The following CLMP variants were observed in gnomAD, a reference collection of about 807,000 sequenced individuals.
The protein encoded by CLMP is CXADR like cell adhesion molecule, also known as CXADR-like membrane protein.
CLMP carries 27 observed loss-of-function variants against 45.2 expected under a neutral mutation model. The ratio of observed to expected loss-of-function variants is 0.60; its 90% CI spans 0.44 to 0.82. The LOEUF is 0.82. Among genes scored for constraint, CLMP ranks in the 40% least tolerant of loss-of-function variants. CLMP has a pLI of 0.00. For missense variants in CLMP, 403 were observed against 448.4 expected, an observed-to-expected ratio of 0.90 and a Z score of 0.91; for synonymous variants, 167 against 171.4, an observed-to-expected ratio of 0.97 and a Z score of 0.20.
chr11:123,102,707 C>CTT (rs34392557), intron 1 of CLMP, among the ~76,000 whole-genome samples: 5,529 of 93,182 alleles, frequency 0.059, 359 homozygotes, highest in African/African-American at 0.1. Flanking sequence ...TCCCGAGTAG[C>CTT]TTTTTTTTTT....
At chr11:123,122,441 A>G (rs1394196630) in intron 1 of CLMP, among the ~76,000 whole-genome samples, 1 of 152,186 alleles carries the variant, frequency 6.6e-6, no homozygotes, top group Non-Finnish European at 1.5e-5. Flanking sequence ...TGACTGTGAT[A>G]TTGGCTCTCT....
intron 1 of CLMP, among the ~76,000 whole-genome samples, chr11:123,131,377 G>T (rs577291761): frequency 3.1e-4 from 47 of 152,004 alleles, no homozygotes; most frequent in African/African-American, 1.1e-3. Flanking sequence ...TTTTGACAAA[G>T]AAATATTTTG....
chr11:123,136,653 C>T (rs1359801272), intron 1 of CLMP, among the ~76,000 whole-genome samples: 1 of 147,826 alleles, frequency 6.8e-6, no homozygotes, highest in Non-Finnish European at 1.5e-5. Context: ...CTGTAATCTC[C>T]GCCTCCCAGG....
At chr11:123,156,090 G>A (rs2135529668) in intron 1 of CLMP, among the ~76,000 whole-genome samples, 1 of 152,214 alleles carries the variant, frequency 6.6e-6, no homozygotes, top group Non-Finnish European at 1.5e-5. Flanking sequence ...GGTTAAATGG[G>A]TGGGGCCCTG....
intron 3 of CLMP, 77 bp from the exon 4 acceptor site, chr11:123,083,924 C>G (rs1865834081): frequency 6.5e-7 from 1 of 1,526,960 alleles, no homozygotes; most frequent in African/African-American, 1.4e-5. Context: ...AAAATTATGT[C>G]CTATTGAGTT....
chr11:123,139,815 C>T (rs984705725), intron 1 of CLMP, among the ~76,000 whole-genome samples: 3 of 146,420 alleles, frequency 2.0e-5, no homozygotes, highest in African/African-American at 5.1e-5. Context: ...GACACCGTCT[C>T]GAAATAAAGT....
intron 1 of CLMP, among the ~76,000 whole-genome samples, chr11:123,112,767 C>T (rs910566752): frequency 1.4e-5 from 2 of 145,760 alleles, no homozygotes; most frequent in African/African-American, 5.2e-5. Context: ...TCTGTTAGTA[C>T]CCATTTTTTT....
At chr11:123,089,776 CAAAAAAA>C (rs556690828) in intron 2 of CLMP, among the ~76,000 whole-genome samples, 1 of 79,380 alleles carries the variant, frequency 1.3e-5, no homozygotes, top group East Asian at 5.1e-4. Flanking sequence ...GTCTCCATCT[CAAAAAAA>C]AAAAAAAAAA....
chr11:123,103,887 T>C (rs1363646687), intron 1 of CLMP, among the ~76,000 whole-genome samples: 1 of 150,596 alleles, frequency 6.6e-6, no homozygotes, highest in Non-Finnish European at 1.5e-5. Context: ...TAGAGTGCAG[T>C]CGCGCAATCT....
At chr11:123,146,665 G>A (rs536926266) in intron 1 of CLMP, among the ~76,000 whole-genome samples, 97 of 152,170 alleles carry the variant, frequency 6.4e-4, no homozygotes, top group African/African-American at 2.2e-3. Flanking sequence ...CCATGGGCGT[G>A]TGTTGTGAAC....
intron 1 of CLMP, among the ~76,000 whole-genome samples, chr11:123,122,554 G>T (rs1226999593): frequency 2.0e-5 from 3 of 152,144 alleles, no homozygotes; most frequent in Non-Finnish European, 2.9e-5. Context: ...CTACTGGAAA[G>T]CTTTTCTGTT....
At chr11:123,161,930 G>A (rs1240977964) in intron 1 of CLMP, among the ~76,000 whole-genome samples, 1 of 152,142 alleles carries the variant, frequency 6.6e-6, no homozygotes, top group African/African-American at 2.4e-5. Context: ...TGATTCAGTA[G>A]GCCTCATGTA....
In CLMP at chr11:123,092,268, C is replaced by A. The variant is rs986559269; in HGVS notation, c.186+5527G>T. 1.5e-4 allele frequency among the ~76,000 whole-genome samples: 22 copies of A among 148,106 alleles called. No homozygotes were observed. The South Asian group carries it at 3.6e-3, about 24-fold the overall frequency. Reference sequence around the variant, plus strand: ...CCTCGCTTTCCCTAAAATCTTGTCTCCACACACACACACACACACACAAAG... The same window carrying A: ...CCTCGCTTTCCCTAAAATCTTGTCTACACACACACACACACACACACAAAG... On this transcript the variant is annotated intron_variant, in intron 2 of 6. Transcript: ENST00000448775.
chr11:123,076,443 A>G (rs1242598539), intron 5 of CLMP, among the ~76,000 whole-genome samples: 1 of 152,216 alleles, frequency 6.6e-6, no homozygotes, highest in African/African-American at 2.4e-5. Context: ...AAATAAAGAT[A>G]ATTTCAGATA....
chr11:123,168,665 C>T (rs888231406), intron 1 of CLMP, among the ~76,000 whole-genome samples: 2 of 152,140 alleles, frequency 1.3e-5, no homozygotes, highest in African/African-American at 2.4e-5. Flanking sequence ...CCTCTGCAAT[C>T]GGATCCAGCA....
At chr11:123,090,246 C>T (rs951345047) in intron 2 of CLMP, among the ~76,000 whole-genome samples, 165 of 150,114 alleles carry the variant, frequency 1.1e-3, no homozygotes, top group African/African-American at 3.7e-3. Context: ...GAGATTGAGA[C>T]CAGCCTGGCC....
intron 6 of CLMP, among the ~76,000 whole-genome samples, chr11:123,073,982 A>G (rs1865705081): frequency 6.6e-6 from 1 of 152,078 alleles, no homozygotes; most frequent in African/African-American, 2.4e-5. Context: ...GGTCAACTCT[A>G]TTATACTGGG....
chr11:123,187,284 C>T (rs951450583), intron 1 of CLMP, among the ~76,000 whole-genome samples: 43 of 152,168 alleles, frequency 2.8e-4, no homozygotes, highest in African/African-American at 9.9e-4. Flanking sequence ...ACATGGAAGC[C>T]GTGTGCGCCT....
intron 1 of CLMP, among the ~76,000 whole-genome samples, chr11:123,129,370 A>AATATATCATATGATATATTTTAT (rs1565391307): frequency 1.5e-5 from 2 of 130,170 alleles, no homozygotes; most frequent in African/African-American, 5.9e-5. Context: ...TATATTATAT[A>AATATATCATATGATATATTTTAT]AAATATATAT....
Sources: allele counts gnomAD v4.1 joint callset (sites outside exome capture counted in the v4.1 genomes callset), GRCh38; gene constraint gnomAD v4.1.1; transcripts MANE v1.5; gene names NCBI Gene and HGNC (gene_info 2026-07-23, HGNC 2026-07-21).